NINL: variants seen among roughly 807,000 people sequenced by gnomAD.
NINL encodes the protein ninein like.
NINL carries 153 observed loss-of-function variants against 160.3 expected under a neutral mutation model. That is an observed-to-expected ratio of 0.95 (90% CI 0.84 to 1.09). NINL has a LOEUF of 1.09. Among genes scored for constraint, NINL ranks in the 50% least tolerant of loss-of-function variants. The pLI, the probability that NINL is intolerant of heterozygous loss-of-function variation, is 0.00. For missense variants in NINL, 1,829 were observed against 1,764.0 expected (o/e 1.04, Z -0.66); for synonymous variants, 800 against 734.8 (o/e 1.09, Z -1.43).
chr20:25,486,628 T>TC (rs34701577), intron 13 of NINL, among the ~76,000 whole-genome samples: 71,590 of 151,856 alleles, frequency 0.47, 17,547 homozygotes, highest in East Asian at 0.92. Flanking sequence ...CACATAGGAT[T>TC]TCAAAAGGAG....
chr20:25,540,946 T>A (rs1034910868), intron 1 of NINL, among the ~76,000 whole-genome samples: 54 of 152,056 alleles, frequency 3.6e-4, no homozygotes, highest in Admixed American at 3.1e-3. Context: ...TTTTTTTTTT[T>A]ATCAAATAAG....
chr20:25,528,241 C>G (rs2064392449), intron 1 of NINL, among the ~76,000 whole-genome samples: 2 of 152,064 alleles, frequency 1.3e-5, no homozygotes, highest in South Asian at 2.1e-4. Flanking sequence ...CACTATGTTA[C>G]CCAGGCTGGT....
chr20:25,458,886 G>T (rs1328129670), intron 21 of NINL: 2 of 228,608 alleles, frequency 8.7e-6, no homozygotes, highest in African/African-American at 4.6e-5. Context: ...TCTCCTTTCA[G>T]CGGAGACCTC....
intron 9 of NINL, among the ~76,000 whole-genome samples, chr20:25,497,081 T>A (rs1324166214): frequency 6.6e-6 from 1 of 152,230 alleles, no homozygotes; most frequent in Admixed American, 6.5e-5. Flanking sequence ...TCCCACAGCA[T>A]GCCATATCAC....
chr20:25,583,365 T>TA (rs931254670), intron 1 of NINL, among the ~76,000 whole-genome samples: 17 of 150,774 alleles, frequency 1.1e-4, no homozygotes, highest in Admixed American at 2.0e-4. Context: ...CAACATATAT[T>TA]AAAAAAAAAG....
intron 1 of NINL, among the ~76,000 whole-genome samples, chr20:25,543,811 C>G (rs529233253): frequency 6.6e-6 from 1 of 152,074 alleles, no homozygotes. Flanking sequence ...CAGGCCACCA[C>G]GTCGTTTCCA....
At chr20:25,578,462 G>C (rs763989033) in intron 1 of NINL, among the ~76,000 whole-genome samples, 4 of 152,032 alleles carry the variant, frequency 2.6e-5, no homozygotes, top group Admixed American at 6.6e-5. Context: ...AAAAAGCAAA[G>C]CACAATTCAT....
Position 25,561,039 on chromosome 20 carries a change from T to A in NINL, c.-12+24416A>T, listed in dbSNP as rs947297633. ...CGGTCTCCCTCTCCCTCTCCCCTCCTCTCCCTCTCCCTCTCTCTCTCTTTC... is the reference window on the plus strand; with the variant it reads ...CGGTCTCCCTCTCCCTCTCCCCTCCACTCCCTCTCCCTCTCTCTCTCTTTC... On this transcript the variant is annotated intron_variant, in intron 1 of 23. Coordinates refer to ENST00000278886, the MANE Select transcript of NINL (RefSeq NM_025176.6). 1.1e-3 allele frequency among the ~76,000 whole-genome samples: 49 copies of A among 44,966 alleles called. 1 individual carries two copies. Among genetic ancestry groups the A allele is most frequent in the Non-Finnish European group, 2.0e-3 (43 of 21,346 alleles). The allele number at this position is 44,966 out of a possible 152,430, so 29.5% of individuals were successfully genotyped here. A position where few individuals can be genotyped will look rare whatever the true frequency, so the allele number is the denominator to read the frequency against.
intron 1 of NINL, among the ~76,000 whole-genome samples, chr20:25,540,457 T>G (rs531063074): frequency 6.6e-6 from 1 of 152,280 alleles, no homozygotes; most frequent in East Asian, 1.9e-4. Context: ...TTAGTTAATT[T>G]ATGCACAGTG....
chr20:25,515,889 G>T (rs1343150585), intron 3 of NINL, among the ~76,000 whole-genome samples: 2 of 152,090 alleles, frequency 1.3e-5, no homozygotes, highest in African/African-American at 4.8e-5. Flanking sequence ...TCCTGCCTCG[G>T]CCTCCCAAGT....
chr20:25,489,032 T>C (rs2063562687), intron 13 of NINL: 3 of 578,864 alleles, frequency 5.2e-6, no homozygotes, highest in Non-Finnish European at 9.3e-6. Flanking sequence ...ATGCCCTGCA[T>C]GGTCCCTGGA....
chr20:25,577,303 G>A (rs1428417243), intron 1 of NINL, among the ~76,000 whole-genome samples: 1 of 152,182 alleles, frequency 6.6e-6, no homozygotes, highest in Non-Finnish European at 1.5e-5. Context: ...GTCTGTTCAA[G>A]GCCCTGCCGC....
At chr20:25,507,190 A>T (rs1417676724) in intron 5 of NINL, among the ~76,000 whole-genome samples, 10 of 151,908 alleles carry the variant, frequency 6.6e-5, no homozygotes, top group Non-Finnish European at 1.5e-5. Flanking sequence ...GAGCTCCTCC[A>T]TCCTTAACAT....
rs182658668 is a variant in NINL, at chr20:25,516,072, C to A, written c.277+1681G>T. ...TACAGGTGTAAGCCACCACACCCAG[C>A]CCAAGATCTGGTTGTTTAAAAGTGT... On this transcript the variant is annotated intron_variant, in intron 3 of 23. Coordinates refer to ENST00000278886, the MANE Select transcript of NINL (RefSeq NM_025176.6). Among the ~76,000 whole-genome samples, 64 of 152,278 alleles carry A rather than the reference C, an allele frequency of 4.2e-4. No homozygotes were observed. In the East Asian group the frequency reaches 0.011, roughly 25 times the overall value.
chr20:25,490,173 C>T (rs917493842), intron 11 of NINL, among the ~76,000 whole-genome samples, 188 bp from the exon 12 acceptor site: 16 of 152,240 alleles, frequency 1.1e-4, no homozygotes, highest in East Asian at 3.8e-4. Flanking sequence ...CCAGGACAGA[C>T]GCCAGAGCCC....
chr20:25,468,959 G>A lies in NINL; in HGVS notation c.3353+1032C>T, dbSNP rs150612294. ...TGTCCCTTGACTCTCACTGGTGGGTGCCCCACTGCCCTGTCCCCTGACTCT... is the reference window on the plus strand; with the variant it reads ...TGTCCCTTGACTCTCACTGGTGGGTACCCCACTGCCCTGTCCCCTGACTCT... On this transcript the variant is annotated intron_variant, in intron 18 of 23. Transcript: ENST00000278886. Among the ~76,000 whole-genome samples the A allele has an allele frequency of 8.4e-3, 1,181 of 141,048 alleles. 42 individuals are homozygous for A. Among genetic ancestry groups the A allele is most frequent in the African/African-American group, 0.029 (999 of 34,976 alleles). The allele number at this position is 141,048 out of a possible 152,430, so 92.5% of individuals were successfully genotyped here.
At position 25,470,050 on chromosome 20, in the gene NINL, G is replaced by A. The variant is rs753642426; in HGVS notation, c.3294C>T (p.Asn1098=). ...GCTCTTGCCGAACCCTTCCCAGATC[G>A]TTTTTCAACAAAGTGTTTTCTTCAG... ...RLSEENTLLK[N]DLGRVRQELE... is the part of the protein sequence containing the mutation. Residue 1098 remains asparagine, a synonymous_variant, in exon 18 of 24, where the codon AAC becomes AAT. Coordinates refer to ENST00000278886, the MANE Select transcript of NINL (RefSeq NM_025176.6). The A allele has an allele frequency of 5.0e-6, 8 of 1,613,982 alleles. No homozygotes were observed. Among genetic ancestry groups the A allele is most frequent in the African/African-American group, 1.3e-5 (1 of 74,912 alleles).
At chr20:25,481,825 G>T in intron 14 of NINL, 143 bp downstream of exon 14, 1 of 1,235,160 alleles carries the variant, frequency 8.1e-7, no homozygotes, top group Non-Finnish European at 1.1e-6. Flanking sequence ...ATCCTCCTTG[G>T]AAAGTCCCTG....
At chr20:25,577,645 T>C (rs1042461635) in intron 1 of NINL, among the ~76,000 whole-genome samples, 2 of 152,166 alleles carry the variant, frequency 1.3e-5, no homozygotes, top group African/African-American at 4.8e-5. Flanking sequence ...TTCTCATGTT[T>C]AGGGTCTGAC....
Sources: gnomAD v4.1 joint callset for allele counts (sites outside exome capture counted in the v4.1 genomes callset) on GRCh38, gnomAD v4.1.1 for gene constraint, MANE v1.5 for transcripts, NCBI Gene and HGNC (gene_info 2026-07-23, HGNC 2026-07-21) for gene names.